DNAJC7: variants seen among roughly 807,000 people sequenced by gnomAD.
DNAJC7 encodes the protein dnaJ homolog subfamily C member 7.
A neutral mutation model predicts 67.4 loss-of-function variants in DNAJC7; 18 were observed. The observed-to-expected ratio is 0.27, with a 90% CI of 0.18 to 0.40. The LOEUF (loss-of-function observed/expected upper bound fraction) is 0.40. DNAJC7 is among the 10% of genes least tolerant of loss of function. DNAJC7 has a pLI of 1.00. For missense variants in DNAJC7, 419 were observed against 613.8 expected (o/e 0.68, Z 3.35); for synonymous variants, 220 against 207.8 (o/e 1.06, Z -0.50).
At chr17:42,005,115 G>T (rs1555649979) in intron 1 of DNAJC7, among the ~76,000 whole-genome samples, 1 of 152,200 alleles carries the variant, frequency 6.6e-6, no homozygotes, top group Non-Finnish European at 1.5e-5. Flanking sequence ...ATATCCTTTA[G>T]ACATGTAGTT....
intron 9 of DNAJC7, chr17:41,985,129 T>G (rs2051344865): frequency 1.3e-5 from 2 of 152,318 alleles, no homozygotes; most frequent in Admixed American, 1.3e-4. Context: ...GCGCCTGGCA[T>G]AAGCCCATTT....
At chr17:42,000,607 CA>C (rs782258196) in intron 1 of DNAJC7, 37 bp from the exon 2 acceptor site, 6 of 1,506,526 alleles carry the variant, frequency 4.0e-6, no homozygotes, top group Non-Finnish European at 5.5e-6. Flanking sequence ...TGTTACTTTA[CA>C]AAGGGAATAA....
At chr17:42,005,462 T>C (rs1478714697) in intron 1 of DNAJC7, among the ~76,000 whole-genome samples, 1 of 152,216 alleles carries the variant, frequency 6.6e-6, no homozygotes, top group African/African-American at 2.4e-5. Flanking sequence ...AAAGCATCAA[T>C]CAGAAACTTT....
intron 1 of DNAJC7, among the ~76,000 whole-genome samples, chr17:42,006,473 C>T (rs2051960007): frequency 6.6e-6 from 1 of 151,650 alleles, no homozygotes; most frequent in Non-Finnish European, 1.5e-5. Flanking sequence ...TTCCTGCAGC[C>T]TGGGTGACAG....
chr17:42,011,626 T>C (rs1437554035), intron 1 of DNAJC7: 1 of 152,234 alleles, frequency 6.6e-6, no homozygotes, highest in Non-Finnish European at 1.5e-5. Context: ...CACATCTGAC[T>C]ACACTTAGTG....
In DNAJC7 at chr17:41,994,859, T is replaced by C; in HGVS notation, c.480+11A>G. 1.2e-6 allele frequency: 2 copies of C among 1,613,274 alleles called. No individual in the cohort carries two copies. The highest frequency in any genetic ancestry group is 1.7e-6 in the Non-Finnish European group (2 of 1,179,374). ...AAGAGCAGATGAGATTATCTCATGG[T>C]TGTACTGTACCTTCCGAAAATCTCG... On this transcript the variant is annotated intron_variant, in intron 5 of 13. Transcript: ENST00000457167.
chr17:41,994,456 G>A lies in DNAJC7; in HGVS notation c.480+414C>T, dbSNP rs547407678. 8.6e-5 allele frequency among the ~76,000 whole-genome samples: 13 copies of A among 150,892 alleles called. No individual in the cohort carries two copies. In the South Asian group the frequency reaches 1.1e-3, roughly 12 times the overall value. On this transcript the variant is annotated intron_variant, in intron 5 of 13. Transcript: ENST00000457167. Reference sequence around the variant, plus strand: ...TGAGGCAGGATAATCGTTTGAACCCGGGAGGCGGAGGTTGCAGTTAGCCAC... The same window carrying A: ...TGAGGCAGGATAATCGTTTGAACCCAGGAGGCGGAGGTTGCAGTTAGCCAC...
chr17:41,981,985 A>T lies in DNAJC7; in HGVS notation c.1254T>A (p.Ala418=). The change falls in exon 12 of 14, where the codon GCT becomes GCA. Residue 418 remains alanine, a synonymous_variant. Coordinates refer to ENST00000457167, the MANE Select transcript of DNAJC7 (RefSeq NM_003315.4). ...TCTTCTCCTCCTCCTTCTGAACCTC[A>T]GCACTGGCTCCACTATGCCGATCTA... is the stretch of plus-strand genomic sequence containing the variant. ...HHPDRHSGAS[A]EVQKEEEKKF... The T allele has an allele frequency of 6.2e-7, 1 of 1,614,048 alleles. No homozygotes were observed. The highest frequency in any genetic ancestry group is 8.5e-7 in the Non-Finnish European group (1 of 1,179,910).
Position 41,996,299 on chromosome 17 carries a change from T to A in DNAJC7, c.405+12A>T, listed in dbSNP as rs2051656724. On this transcript the variant is annotated intron_variant, in intron 4 of 13. Coordinates refer to ENST00000457167, the MANE Select transcript of DNAJC7 (RefSeq NM_003315.4). ...ACTGCCTCTTTTGACAGAAACAGGA[T>A]CAGACCCGTACCTCTTGTTGTGCCT... The A allele has an allele frequency of 6.2e-7, 1 of 1,612,674 alleles. No homozygotes were observed.
rs925747820 is a variant in DNAJC7, at chr17:41,980,470, C to T, written c.1384+1385G>A. Among the ~76,000 whole-genome samples, 5 of 152,262 alleles carry T rather than the reference C, an allele frequency of 3.3e-5. No individual in the cohort carries two copies. In the South Asian group the frequency reaches 6.2e-4, roughly 19 times the overall value. The stretch of plus-strand genomic sequence containing the variant: ...GCGCAATCTCAGCTCACTGCAACCT[C>T]TGCCTCCTGGGCTCAAGAGTTTTTG... On this transcript the variant is annotated intron_variant, in intron 12 of 13. Transcript: ENST00000457167.
In DNAJC7 at chr17:41,997,118, G is replaced by A. The variant is rs1567963903; in HGVS notation, c.288C>T (p.Val96=). The A allele has an allele frequency of 6.2e-7, 1 of 1,613,816 alleles. No homozygotes were observed. Among genetic ancestry groups the A allele is most frequent in the Non-Finnish European group, 8.5e-7 (1 of 1,179,806 alleles). ...QQSVRLDDSF[V]RGHLREGKCH... ...AACAGCCCCATTACATACATACCCG[G>A]ACAAAACTGTCATCCAACCTCACTG... is the stretch of plus-strand genomic sequence containing the variant. Residue 96 remains valine, a synonymous_variant, in exon 3 of 14, where the codon GTC becomes GTT. Coordinates refer to ENST00000457167, the MANE Select transcript of DNAJC7 (RefSeq NM_003315.4).
chr17:42,009,147 C>T lies in DNAJC7; in HGVS notation c.77+8193G>A, dbSNP rs1186450321. 1.3e-5 allele frequency among the ~76,000 whole-genome samples: 2 copies of T among 152,240 alleles called. 1 individual carries two copies. ...GCTATCTGCTACTCAGCTTTCTTTA[C>T]CCAATTTCCTACAGAATAGATAGTT... On this transcript the variant is annotated intron_variant, in intron 1 of 13. Transcript: ENST00000457167.
intron 12 of DNAJC7, 50 bp from the exon 13 acceptor site, chr17:41,977,373 G>GA: frequency 6.7e-7 from 1 of 1,494,248 alleles, no homozygotes; most frequent in African/African-American, 1.4e-5. Context: ...TGAAAAATTA[G>GA]AAATGTTCGA....
rs1555647132 is a variant in DNAJC7, at chr17:41,987,890, T to G, written c.939A>C (p.Ala313=). 2 of 1,611,722 alleles carry G rather than the reference T, an allele frequency of 1.2e-6. No individual in the cohort carries two copies. Among genetic ancestry groups the G allele is most frequent in the Non-Finnish European group, 1.7e-6 (2 of 1,179,020 alleles). The change falls in exon 9 of 14, where the codon GCA becomes GCC. Residue 313 remains alanine (A), a synonymous_variant. Transcript: ENST00000457167. ...VNSKLRKLDD[A]IEDCTNAVKL... is the part of the protein sequence containing the mutation. ...TCACTGCATTTGTGCAGTCTTCTATTGCATCATCTAGTTTCCTAAGCTTCA... is the reference window on the plus strand; with the variant it reads ...TCACTGCATTTGTGCAGTCTTCTATGGCATCATCTAGTTTCCTAAGCTTCA...
intron 6 of DNAJC7, among the ~76,000 whole-genome samples, 152 bp from the exon 7 acceptor site, chr17:41,989,709 C>T (rs1202472702): frequency 6.6e-6 from 1 of 152,192 alleles, no homozygotes; most frequent in Non-Finnish European, 1.5e-5. Flanking sequence ...CCAAACTTTC[C>T]CCAAATAAAC....
chr17:41,987,848 G>A lies in DNAJC7; in HGVS notation c.981C>T (p.Tyr327=). The change falls in exon 9 of 14, where the codon TAC becomes TAT. Residue 327 remains tyrosine (Y), a synonymous_variant. Coordinates refer to ENST00000457167, the MANE Select transcript of DNAJC7 (RefSeq NM_003315.4). Reference sequence around the variant, plus strand: ...GAGCTCTTCTCAAGTAGGCTTTTATGTAAGTGTCATCAAGCTTCACTGCAT... The same window carrying A: ...GAGCTCTTCTCAAGTAGGCTTTTATATAAGTGTCATCAAGCTTCACTGCAT... ...CTNAVKLDDT[Y]IKAYLRRAQC... is the part of the protein sequence containing the mutation. 6.2e-7 allele frequency: 1 copy of A among 1,611,516 alleles called. No homozygotes were observed. Among genetic ancestry groups the A allele is most frequent in the Non-Finnish European group, 8.5e-7 (1 of 1,178,994 alleles).
At chr17:41,990,222 T>C in intron 6 of DNAJC7, 42 bp downstream of exon 6, 1 of 1,546,982 alleles carries the variant, frequency 6.5e-7, no homozygotes, top group Non-Finnish European at 8.8e-7. Flanking sequence ...ATCAGTCCAA[T>C]GGTATCTGGC....
intron 1 of DNAJC7, chr17:42,014,456 G>GC (rs2052208738): frequency 6.6e-6 from 1 of 151,724 alleles, no homozygotes; most frequent in African/African-American, 2.4e-5. Flanking sequence ...GTGAGCCACT[G>GC]CACCCAGCCA....
chr17:41,991,261 T>G (rs782252231), intron 5 of DNAJC7, among the ~76,000 whole-genome samples: 6 of 152,120 alleles, frequency 3.9e-5, no homozygotes, highest in Non-Finnish European at 7.4e-5. Flanking sequence ...GGACACCTAT[T>G]CCCTCTAAGA....
Sources: gnomAD v4.1 joint callset for allele counts (sites outside exome capture counted in the v4.1 genomes callset) on GRCh38, gnomAD v4.1.1 for gene constraint, MANE v1.5 for transcripts, NCBI Gene and HGNC (gene_info 2026-07-23, HGNC 2026-07-21) for gene names.